The following MSR1 variants were observed in gnomAD, a reference collection of about 807,000 sequenced individuals.
The protein encoded by MSR1 is macrophage scavenger receptor 1.
A neutral mutation model predicts 47.2 loss-of-function variants in MSR1; 53 were observed. That is an observed-to-expected ratio of 1.12 (90% confidence interval 0.90 to 1.41). The LOEUF (loss-of-function observed/expected upper bound fraction) is 1.41. Among genes scored for constraint, MSR1 ranks in the 40% most tolerant of loss-of-function variants. The pLI, the probability that MSR1 is intolerant of heterozygous loss-of-function variation, is 0.00. For missense variants in MSR1, 786 were observed against 546.9 expected (o/e 1.44, Z -4.36); for synonymous variants, 239 against 185.6 (o/e 1.29, Z -2.34).
chr8:16,140,414 T>G, intron 8 of MSR1: 1 of 985,534 alleles, frequency 1.0e-6, no homozygotes, highest in Non-Finnish European at 1.2e-6. Flanking sequence ...AATGGATTTT[T>G]CCTATCATTG....
rs1322614270 is a variant in MSR1, at chr8:16,175,312, A to G, written c.104-12T>C. The stretch of plus-strand genomic sequence containing the variant: ...GCTGTTTTTAGGATCTAATAAAACA[A>G]AAAAGCCCAGCCTACTGTTAGAAAG... On this transcript the variant is annotated splice_polypyrimidine_tract_variant and intron_variant, in intron 2 of 9. Coordinates refer to ENST00000262101, the MANE Select transcript of MSR1 (RefSeq NM_138715.3). 1 of 1,600,516 alleles carries G rather than the reference A, an allele frequency of 6.2e-7. No homozygotes were observed. The highest frequency in any genetic ancestry group is 1.1e-5 in the South Asian group (1 of 90,814).
In MSR1 at chr8:16,171,658, T is replaced by C. The variant is rs1029190947; in HGVS notation, c.218-2788A>G. Among the ~76,000 whole-genome samples the C allele has an allele frequency of 2.5e-4, 38 of 152,190 alleles. 1 individual carries two copies. Among genetic ancestry groups the C allele is most frequent in the African/African-American group, 8.7e-4 (36 of 41,452 alleles). The stretch of plus-strand genomic sequence containing the variant: ...CTGGGAATAAAAGAACAATTGGGAA[T>C]GGAATTTGACTGTAACAATGAGGAG... On this transcript the variant is annotated intron_variant, in intron 3 of 9. Coordinates refer to ENST00000262101, the MANE Select transcript of MSR1 (RefSeq NM_138715.3).
At chr8:16,131,131 C>T (rs1267792521) in intron 8 of MSR1, among the ~76,000 whole-genome samples, 7 of 152,202 alleles carry the variant, frequency 4.6e-5, no homozygotes, top group African/African-American at 9.6e-5. Flanking sequence ...TCCACGAACT[C>T]GTCACCACAG....
chr8:16,140,721 A>G lies in MSR1; in HGVS notation c.1033+2837T>C, dbSNP rs115523280. On this transcript the variant is annotated intron_variant, in intron 8 of 9. Transcript: ENST00000262101. The stretch of plus-strand genomic sequence containing the variant: ...TGAGGACTGGTTGGAGCAGCCCTCC[A>G]GTCCGTGCATGAGAGGTGTCCAGGC... 2.5e-3 allele frequency: 3,424 copies of G among 1,383,584 alleles called. 84 individuals carry two copies. In the African/African-American group the frequency reaches 0.044, roughly 18 times the overall value. The allele number at this position is 1,383,584 out of a possible 1,614,324, so 85.7% of individuals were successfully genotyped here.
chr8:16,155,033 G>T, intron 6 of MSR1, 31 bp downstream of exon 6: 1 of 1,536,252 alleles, frequency 6.5e-7, no homozygotes, highest in Middle Eastern at 1.7e-4. Flanking sequence ...TATCTTCACA[G>T]TATATGATTA....
Position 16,147,255 on chromosome 8 carries a change from T to C in MSR1, c.979+2976A>G, listed in dbSNP as rs80023414. Among the ~76,000 whole-genome samples the C allele has an allele frequency of 3.9e-3, 597 of 152,248 alleles. 3 individuals carry two copies. The highest frequency in any genetic ancestry group is 0.031 in the Middle Eastern group (9 of 294). On this transcript the variant is annotated intron_variant, in intron 7 of 9. Coordinates refer to ENST00000262101, the MANE Select transcript of MSR1 (RefSeq NM_138715.3). Reference sequence around the variant, plus strand: ...CATGGAGAAAGTGTGAAGTCTTCTCTTTCTCTTCTCATGTTTGTGTATCTT... The same window carrying C: ...CATGGAGAAAGTGTGAAGTCTTCTCCTTCTCTTCTCATGTTTGTGTATCTT...
intron 8 of MSR1, chr8:16,140,966 TG>T (rs773061241): frequency 6.2e-6 from 10 of 1,613,744 alleles, no homozygotes; most frequent in Non-Finnish European, 8.5e-6. Context: ...TTTAATGAGA[TG>T]GTAGCAGAGG....
intron 5 of MSR1, among the ~76,000 whole-genome samples, chr8:16,160,705 G>A (rs574942277): frequency 6.6e-6 from 1 of 152,088 alleles, no homozygotes; most frequent in African/African-American, 2.4e-5. Flanking sequence ...GAGACGTAGA[G>A]AAGAACCTTT....
At chr8:16,136,813 G>A (rs549438951) in intron 8 of MSR1, among the ~76,000 whole-genome samples, 2 of 152,190 alleles carry the variant, frequency 1.3e-5, no homozygotes, top group South Asian at 4.2e-4. Flanking sequence ...ATGTTGGCCA[G>A]GATGGTCTCA....
chr8:16,168,167 A>T (rs1460244829), intron 4 of MSR1, among the ~76,000 whole-genome samples: 2 of 152,202 alleles, frequency 1.3e-5, no homozygotes, highest in African/African-American at 2.4e-5. Flanking sequence ...CCTAAAAATT[A>T]TGATTGGTTT....
intron 8 of MSR1, among the ~76,000 whole-genome samples, chr8:16,125,261 T>A (rs1049297278): frequency 2.6e-5 from 4 of 152,120 alleles, no homozygotes; most frequent in Non-Finnish European, 4.4e-5. Flanking sequence ...AATATTTGAA[T>A]CTGCTTGACA....
chr8:16,122,152 G>A (rs1172507786), intron 8 of MSR1, among the ~76,000 whole-genome samples: 2 of 152,004 alleles, frequency 1.3e-5, no homozygotes, highest in Admixed American at 6.6e-5. Flanking sequence ...GAGTGGATAA[G>A]TCCTTCTTCA....
intron 1 of MSR1, among the ~76,000 whole-genome samples, chr8:16,180,581 G>C (rs567824114): frequency 1.3e-5 from 2 of 152,086 alleles, no homozygotes; most frequent in African/African-American, 4.8e-5. Flanking sequence ...TTATTTTCTT[G>C]AATGCTGTGT....
intron 1 of MSR1, among the ~76,000 whole-genome samples, chr8:16,188,324 A>C (rs953474438): frequency 6.6e-6 from 1 of 152,060 alleles, no homozygotes; most frequent in Non-Finnish European, 1.5e-5. Flanking sequence ...CTGTCATCTC[A>C]TCACCCTAAT....
chr8:16,157,116 T>C (rs943505978), intron 5 of MSR1, among the ~76,000 whole-genome samples: 1 of 151,900 alleles, frequency 6.6e-6, no homozygotes, highest in Non-Finnish European at 1.5e-5. Context: ...GTTTAGTAAC[T>C]CAGGATCCAA....
intron 7 of MSR1, among the ~76,000 whole-genome samples, chr8:16,147,638 A>G (rs1007301137): frequency 6.6e-6 from 1 of 152,038 alleles, no homozygotes; most frequent in Non-Finnish European, 1.5e-5. Context: ...TATCGGACTT[A>G]TTTCTAATTT....
intron 5 of MSR1, among the ~76,000 whole-genome samples, chr8:16,159,604 G>C (rs1313020769): frequency 6.6e-6 from 1 of 151,932 alleles, no homozygotes; most frequent in Non-Finnish European, 1.5e-5. Flanking sequence ...TGGTTCTTAA[G>C]TTATAATTTA....
chr8:16,181,265 T>C (rs991854709), intron 1 of MSR1, among the ~76,000 whole-genome samples: 3 of 152,202 alleles, frequency 2.0e-5, no homozygotes, highest in African/African-American at 7.2e-5. Flanking sequence ...CTTGAGGAAC[T>C]GCCACACTGT....
At position 16,168,546 on chromosome 8, in the gene MSR1, A is replaced by T. The variant is rs377134001; in HGVS notation, c.542T>A (p.Ile181Lys). The T allele has an allele frequency of 1.8e-3, 2,886 of 1,614,146 alleles. 47 individuals are homozygous for T. The South Asian group carries it at 0.03, about 17-fold the overall frequency. ...ATCAAGCAATGTGGTATTCAAACTT[A>T]TTAAGGACTTGGAGATTTCATCTAT... Reference protein sequence around the residue: ...NAIDEISKSLISLNTTLLDLQ... With the variant: ...NAIDEISKSLKSLNTTLLDLQ... Residue 181 changes from isoleucine (I) to lysine (K), a missense_variant, in exon 4 of 10, where the codon ATA becomes AAA. Transcript: ENST00000262101.
Sources: gnomAD v4.1 joint callset for allele counts (sites outside exome capture counted in the v4.1 genomes callset) on GRCh38, gnomAD v4.1.1 for gene constraint, MANE v1.5 for transcripts, NCBI Gene and HGNC (gene_info 2026-07-23, HGNC 2026-07-21) for gene names.